ANKFY1: variants seen among roughly 807,000 people sequenced by gnomAD.
The protein encoded by ANKFY1 is ankyrin repeat and FYVE domain-containing protein 1.
ANKFY1 carries 47 observed loss-of-function variants against 128.3 expected under a neutral mutation model. That is an observed-to-expected ratio of 0.37 (90% confidence interval 0.29 to 0.47). The LOEUF (loss-of-function observed/expected upper bound fraction) is 0.47, where lower values mean the gene tolerates loss of function less well. ANKFY1 is among the 20% of genes least tolerant of loss of function. The pLI is 1.00. For missense variants in ANKFY1, 1,222 were observed against 1,510.6 expected, an observed-to-expected ratio of 0.81 and a Z score of 3.17; for synonymous variants, 553 against 601.6, an observed-to-expected ratio of 0.92 and a Z score of 1.18.
intron 11 of ANKFY1, chr17:4,188,530 C>T (rs1038256004): frequency 6.6e-6 from 1 of 152,166 alleles, no homozygotes; most frequent in Non-Finnish European, 1.5e-5. Context: ...TCAATCCTAA[C>T]GATACATGCT....
chr17:4,185,100 A>G, intron 11 of ANKFY1, 54 bp from the exon 12 acceptor site: 1 of 1,525,668 alleles, frequency 6.6e-7, no homozygotes, highest in East Asian at 2.3e-5. Context: ...TCCCTTCACA[A>G]AGAGCGTGGC....
At chr17:4,183,765 G>C in intron 13 of ANKFY1, 47 bp downstream of exon 13, 1 of 1,555,854 alleles carries the variant, frequency 6.4e-7, no homozygotes, top group Non-Finnish European at 8.9e-7. Flanking sequence ...GCCCCACTTC[G>C]GACAGCTGTC....
chr17:4,195,070 G>A lies in ANKFY1; in HGVS notation c.1280C>T (p.Pro427Leu). ...DQSVNPFEDVPVVNGTSFDEN... is the reference protein window; with the variant it reads ...DQSVNPFEDVLVVNGTSFDEN... ...ATCAAATGAAGTCCCATTTACCACG[G>A]GGACATCTTCGAAGGGGTTCACAGA... The change falls in exon 10 of 25, where the codon CCC (proline) becomes CTC (leucine). Residue 427 changes from proline (P) to leucine (L), a missense_variant. By Grantham distance (98) the Pro-to-Leu change is moderately conservative (BLOSUM62 -3). Coordinates refer to ENST00000341657, the MANE Select transcript of ANKFY1 (RefSeq NM_001330063.2). 1 of 1,614,162 alleles carries A rather than the reference G, an allele frequency of 6.2e-7. No homozygotes were observed. Among genetic ancestry groups the A allele is most frequent in the Non-Finnish European group, 8.5e-7 (1 of 1,180,032 alleles).
intron 16 of ANKFY1, among the ~76,000 whole-genome samples, chr17:4,180,634 G>A (rs531953581): frequency 2.0e-5 from 3 of 150,556 alleles, no homozygotes; most frequent in Non-Finnish European, 4.4e-5. Context: ...GGGCGTGGAG[G>A]CGGGCGCCTG....
rs536837785 is a variant in ANKFY1, at chr17:4,244,690, A to G, written c.11-2242T>C. The stretch of plus-strand genomic sequence containing the variant: ...TCCCACCATCCCAGCAATGATTCCC[A>G]TCTCCCCTTTGCTTCCTCAGAAAGG... On this transcript the variant is annotated intron_variant, in intron 1 of 24. Transcript: ENST00000341657. 2.0e-5 allele frequency among the ~76,000 whole-genome samples: 3 copies of G among 151,846 alleles called. No individual in the cohort carries two copies. In the South Asian group the frequency reaches 6.3e-4, roughly 32 times the overall value.
intron 19 of ANKFY1, among the ~76,000 whole-genome samples, chr17:4,175,269 C>G (rs8077364): frequency 0.91 from 137,384 of 150,762 alleles, 64,012 homozygotes; most frequent in East Asian, 1. Context: ...GCAGGTCAAG[C>G]CTGCAGCGAG....
At chr17:4,224,206 C>T (rs1188189757) in intron 3 of ANKFY1, among the ~76,000 whole-genome samples, 1 of 147,682 alleles carries the variant, frequency 6.8e-6, no homozygotes, top group Non-Finnish European at 1.5e-5. Context: ...AAGTGACTCA[C>T]CTTTGAAGTT....
intron 1 of ANKFY1, among the ~76,000 whole-genome samples, chr17:4,256,927 A>T (rs1037032427): frequency 6.6e-6 from 1 of 152,210 alleles, no homozygotes; most frequent in African/African-American, 2.4e-5. Context: ...CTGGTTTCAT[A>T]AGAGATGCAT....
intron 10 of ANKFY1, chr17:4,191,154 G>A (rs1338228914): frequency 6.6e-6 from 1 of 152,216 alleles, no homozygotes; most frequent in East Asian, 1.9e-4. Flanking sequence ...CAAACAAAAA[G>A]AAATGGGACA....
chr17:4,263,621 C>A, intron 1 of ANKFY1: 1 of 1,535,008 alleles, frequency 6.5e-7, no homozygotes, highest in African/African-American at 1.4e-5. Flanking sequence ...GCACCGCCGG[C>A]AATCAAGAGC....
chr17:4,182,940 T>C (rs1445868553), intron 14 of ANKFY1, among the ~76,000 whole-genome samples: 3 of 152,158 alleles, frequency 2.0e-5, no homozygotes, highest in African/African-American at 7.2e-5. Flanking sequence ...ACCCCGTCTC[T>C]ACTAAAAGTA....
intron 18 of ANKFY1, among the ~76,000 whole-genome samples, chr17:4,177,607 G>A (rs1344431382): frequency 5.3e-5 from 8 of 152,184 alleles, no homozygotes; most frequent in Non-Finnish European, 1.0e-4. Context: ...ACAATCTGAA[G>A]GATAGGGAAA....
intron 3 of ANKFY1, among the ~76,000 whole-genome samples, chr17:4,233,068 C>T (rs1252162521): frequency 1.3e-5 from 2 of 151,764 alleles, no homozygotes; most frequent in African/African-American, 4.8e-5. Flanking sequence ...AACTGTCATA[C>T]CTATTTGTAT....
At chr17:4,174,085 G>A in intron 19 of ANKFY1, 29 bp from the exon 20 acceptor site, 2 of 1,609,496 alleles carry the variant, frequency 1.2e-6, no homozygotes. Flanking sequence ...TGAACAGTCA[G>A]TCTCTCTGCC....
intron 7 of ANKFY1, among the ~76,000 whole-genome samples, chr17:4,201,518 T>A (rs80063675): frequency 0.052 from 7,694 of 147,372 alleles, 428 homozygotes; most frequent in African/African-American, 0.14. Context: ...TCACACTGTC[T>A]TATACAAAAC....
intron 1 of ANKFY1, among the ~76,000 whole-genome samples, chr17:4,252,323 T>C (rs1967880189): frequency 1.3e-5 from 2 of 152,034 alleles, no homozygotes; most frequent in South Asian, 2.1e-4. Flanking sequence ...TCCCAAAAGT[T>C]TGGAAGGCTG....
chr17:4,171,583 A>G (rs2059320818), intron 22 of ANKFY1, among the ~76,000 whole-genome samples: 2 of 152,218 alleles, frequency 1.3e-5, no homozygotes, highest in South Asian at 2.1e-4. Flanking sequence ...AGGGCCAGGC[A>G]TCTGCACACA....
At position 4,181,026 on chromosome 17, in the gene ANKFY1, C is replaced by T. The variant is rs980423239; in HGVS notation, c.2240+228G>A. ...GGCAGCTCCCAAAGCAGGACGCTGA[C>T]TCCAGCTTTCAGATTCTTTGATTCA... On this transcript the variant is annotated intron_variant, in intron 16 of 24. Coordinates refer to ENST00000341657, the MANE Select transcript of ANKFY1 (RefSeq NM_001330063.2). This position sits in a 1 kb window ranked among gnomAD's most constrained non-coding sequence, Gnocchi z 4.9. 8.0e-6 allele frequency: 4 copies of T among 498,656 alleles called. No homozygotes were observed. Among genetic ancestry groups the T allele is most frequent in the Middle Eastern group, 5.4e-4 (1 of 1,838 alleles). The allele number at this position is 498,656 out of a possible 1,614,324, so 30.9% of individuals were successfully genotyped here. A position where few individuals can be genotyped will look rare whatever the true frequency, so the allele number is the denominator to read the frequency against.
rs145309138 is a variant in ANKFY1, at chr17:4,213,699, G to A, written c.458+3284C>T. On this transcript the variant is annotated intron_variant, in intron 4 of 24. Transcript: ENST00000341657. Reference sequence around the variant, plus strand: ...CTCCTGTCTCCTGCCTCTGCCTCCCGTGTAGCTGGGACTAAAAGCGCCTGC... The same window carrying A: ...CTCCTGTCTCCTGCCTCTGCCTCCCATGTAGCTGGGACTAAAAGCGCCTGC... Among the ~76,000 whole-genome samples, 428 of 151,348 alleles carry A rather than the reference G, an allele frequency of 2.8e-3. 1 individual carries two copies. Among genetic ancestry groups the A allele is most frequent in the Non-Finnish European group, 3.6e-3 (243 of 67,914 alleles).
Sources: allele counts gnomAD v4.1 joint callset (sites outside exome capture counted in the v4.1 genomes callset), GRCh38; gene constraint gnomAD v4.1.1; non-coding constraint Gnocchi (gnomAD v3.1); transcripts MANE v1.5; gene names NCBI Gene and HGNC (gene_info 2026-07-23, HGNC 2026-07-21).